The following DZANK1 variants were observed in gnomAD, a reference collection of about 807,000 sequenced individuals.
DZANK1 encodes the protein double zinc ribbon and ankyrin repeat-containing protein 1.
In DZANK1, 91 loss-of-function variants were observed where a neutral mutation model predicts 94.5. The observed-to-expected ratio is 0.96, with a 90% confidence interval of 0.81 to 1.15. The LOEUF (loss-of-function observed/expected upper bound fraction) is 1.15. Ranked by LOEUF, DZANK1 falls within the 50% of genes most tolerant of loss-of-function variation. DZANK1 has a pLI of 0.00. For synonymous variants in DZANK1, 312 were observed against 325.3 expected (o/e 0.96, Z 0.44); for missense variants, 903 against 916.4 (o/e 0.99, Z 0.19).
intron 14 of DZANK1, among the ~76,000 whole-genome samples, chr20:18,397,503 T>C (rs1261139090): frequency 6.6e-6 from 1 of 151,936 alleles, no homozygotes; most frequent in Non-Finnish European, 1.5e-5. Flanking sequence ...CTTGGGCAGG[T>C]CACCAAACCT....
chr20:18,399,155 C>G (rs1382940362), intron 13 of DZANK1, among the ~76,000 whole-genome samples: 3 of 149,938 alleles, frequency 2.0e-5, no homozygotes, highest in Non-Finnish European at 3.0e-5. Flanking sequence ...CTTAAAAGAA[C>G]ATATTTTGAT....
At chr20:18,403,849 G>C (rs940763098) in intron 13 of DZANK1, among the ~76,000 whole-genome samples, 3 of 148,714 alleles carry the variant, frequency 2.0e-5, no homozygotes, top group African/African-American at 7.5e-5. Context: ...GCCCAGGTAG[G>C]AGTGCAGTGG....
chr20:18,391,720 G>C (rs887507141), intron 17 of DZANK1, among the ~76,000 whole-genome samples: 5 of 152,178 alleles, frequency 3.3e-5, no homozygotes, highest in Admixed American at 1.3e-4. Context: ...TTTGTAAAGT[G>C]GAAATAATAC....
chr20:18,385,032 T>C (rs74615231), exon 20 of DZANK1: 3 of 1,552,626 alleles, frequency 1.9e-6, no homozygotes, highest in South Asian at 1.2e-5. Context: ...AAAGTGGCGG[T>C]GCTCTCTCTT....
intron 10 of DZANK1, among the ~76,000 whole-genome samples, chr20:18,425,591 T>C (rs1206232469): frequency 1.3e-5 from 2 of 151,476 alleles, no homozygotes; most frequent in African/African-American, 4.9e-5. Flanking sequence ...TCCACTGCTA[T>C]AGGTTGAATT....
intron 5 of DZANK1, among the ~76,000 whole-genome samples, chr20:18,453,043 G>A (rs150705511): frequency 1.3e-5 from 2 of 152,270 alleles, no homozygotes; most frequent in African/African-American, 2.4e-5. Flanking sequence ...TATCTCCCAA[G>A]AGCACACTGC....
Position 18,419,872 on chromosome 20 carries a change from T to C in DZANK1, c.955-4423A>G, listed in dbSNP as rs1300660308. ...TAAAGAACATCAGAAATAGTAAAAA[T>C]AAATATTGGTGTAAATACAAAAAAA... On this transcript the variant is annotated intron_variant, in intron 10 of 20. Coordinates refer to ENST00000262547, the Ensembl canonical transcript of DZANK1. Among the ~76,000 whole-genome samples, 10 of 128,156 alleles carry C rather than the reference T, an allele frequency of 7.8e-5. No individual in the cohort carries two copies. In the Admixed American group the frequency reaches 8.2e-4, roughly 10 times the overall value. 84.1% of individuals were successfully genotyped at this position (128,156 alleles called of 152,430 possible).
intron 13 of DZANK1, among the ~76,000 whole-genome samples, chr20:18,402,334 TC>T (rs1408394434): frequency 6.6e-6 from 1 of 152,126 alleles, no homozygotes; most frequent in African/African-American, 2.4e-5. Flanking sequence ...ATCAGCAGCT[TC>T]CCGATGAGAT....
intron 9 of DZANK1, chr20:18,432,919 T>C (rs1337187730): frequency 4.6e-5 from 7 of 152,238 alleles, no homozygotes; most frequent in Admixed American, 4.6e-4. Context: ...TAAGTGATGA[T>C]ACATAACTTT....
chr20:18,458,958 T>C (rs1371517004), intron 3 of DZANK1, among the ~76,000 whole-genome samples: 2 of 152,244 alleles, frequency 1.3e-5, no homozygotes, highest in Non-Finnish European at 2.9e-5. Flanking sequence ...ATACTAACAG[T>C]ACCTTTCAGA....
chr20:18,411,581 CA>C (rs200836365), intron 13 of DZANK1, among the ~76,000 whole-genome samples: 4 of 150,248 alleles, frequency 2.7e-5, no homozygotes, highest in Admixed American at 6.6e-5. Flanking sequence ...ATAACCACTT[CA>C]AAAAAAAAGA....
chr20:18,443,166 GAC>G (rs1255691519), intron 8 of DZANK1, among the ~76,000 whole-genome samples, 179 bp downstream of exon 8: 3 of 152,182 alleles, frequency 2.0e-5, no homozygotes, highest in Non-Finnish European at 4.4e-5. Context: ...CCACACAAAA[GAC>G]ACAGCATTGC....
chr20:18,433,567 A>G, intron 9 of DZANK1, 85 bp downstream of exon 9: 1 of 1,288,584 alleles, frequency 7.8e-7, no homozygotes, highest in Non-Finnish European at 1.1e-6. Context: ...TTGTTACCCC[A>G]TCCCACTAGC....
chr20:18,411,291 T>C (rs765619418), intron 13 of DZANK1, among the ~76,000 whole-genome samples: 8 of 152,084 alleles, frequency 5.3e-5, no homozygotes, highest in Non-Finnish European at 1.2e-4. Context: ...GTTACTAGAA[T>C]TAGAAATGAA....
chr20:18,451,674 C>A (rs1283898526), intron 6 of DZANK1, among the ~76,000 whole-genome samples: 1 of 152,110 alleles, frequency 6.6e-6, no homozygotes, highest in Non-Finnish European at 1.5e-5. Context: ...TGGACACCTG[C>A]TCGTCTCTCA....
chr20:18,443,510 C>T (rs2148688630), intron 7 of DZANK1, 46 bp from the exon 8 acceptor site: 1 of 1,088,840 alleles, frequency 9.2e-7, no homozygotes, highest in African/African-American at 1.6e-5. Flanking sequence ...GGTGGGCCCA[C>T]ATTAAGAAGA....
chr20:18,465,187 C>T, intron 2 of DZANK1, 63 bp downstream of exon 2: 2 of 1,111,712 alleles, frequency 1.8e-6, no homozygotes, highest in Non-Finnish European at 2.6e-6. Flanking sequence ...AAACCAGCAA[C>T]CAGATAACAC....
At chr20:18,453,647 C>T (rs942435792) in intron 5 of DZANK1, 84 bp downstream of exon 5, 15 of 959,566 alleles carry the variant, frequency 1.6e-5, no homozygotes, top group Admixed American at 4.2e-5. Flanking sequence ...CTTCTCCAGA[C>T]AAGAAAACAT....
rs571073242 is a variant in DZANK1 at position 18,423,876 on chromosome 20, TAGAAAA to T, written c.954+3185_954+3190del. On this transcript the variant is annotated intron_variant, in intron 10 of 20. Coordinates refer to ENST00000262547, the Ensembl canonical transcript of DZANK1. Reference sequence around the variant, plus strand: ...TAATTTGAGTTCTCATCTTAAAAATTAGAAAAAGAAAATCAGATTAAACCCAAAGAA... The same window carrying T: ...TAATTTGAGTTCTCATCTTAAAAATTAGAAAATCAGATTAAACCCAAAGAA... Among the ~76,000 whole-genome samples the T allele has an allele frequency of 2.8e-4, 42 of 151,648 alleles. No homozygotes were observed. In the South Asian group the frequency reaches 6.5e-3, roughly 23 times the overall value.
Sources: allele counts gnomAD v4.1 joint callset (sites outside exome capture counted in the v4.1 genomes callset), GRCh38; gene constraint gnomAD v4.1.1; transcripts MANE v1.5; gene names NCBI Gene and HGNC (gene_info 2026-07-23, HGNC 2026-07-21).